The following BBX variants were observed in gnomAD, a reference collection of about 807,000 sequenced individuals.
BBX encodes the protein BBX high mobility group box domain containing, also known as HMG box transcription factor BBX.
BBX carries 30 observed loss-of-function variants against 100.2 expected under a neutral mutation model. That is an observed-to-expected ratio of 0.30 (90% CI 0.22 to 0.41). The LOEUF (loss-of-function observed/expected upper bound fraction) is 0.41, where lower values mean the gene tolerates loss of function less well. Among genes scored for constraint, BBX ranks in the 10% least tolerant of loss-of-function variants. The pLI, the probability that BBX is intolerant of heterozygous loss-of-function variation, is 1.00. For missense variants in BBX, 1,023 were observed against 1,129.8 expected, an observed-to-expected ratio of 0.91 and a Z score of 1.35; for synonymous variants, 376 against 388.1, an observed-to-expected ratio of 0.97 and a Z score of 0.37.
chr3:107,720,788 T>C (rs892815806), intron 5 of BBX, among the ~76,000 whole-genome samples: 2 of 152,110 alleles, frequency 1.3e-5, no homozygotes, highest in East Asian at 3.9e-4. Context: ...TTCTTTCATA[T>C]TTCTTCAAGA....
intron 4 of BBX, among the ~76,000 whole-genome samples, chr3:107,712,522 C>T (rs1340922395): frequency 6.6e-6 from 1 of 152,214 alleles, no homozygotes; most frequent in Non-Finnish European, 1.5e-5. Context: ...TTATTTTGCT[C>T]AAACTTCACA....
At chr3:107,690,883 C>G (rs1184404127) in intron 3 of BBX, among the ~76,000 whole-genome samples, 1 of 74,070 alleles carries the variant, frequency 1.4e-5, no homozygotes, top group East Asian at 4.1e-4. Context: ...CACTTTGATG[C>G]CCCCCCCCCT....
intron 2 of BBX, among the ~76,000 whole-genome samples, chr3:107,529,922 C>T (rs935827862): frequency 2.6e-5 from 4 of 151,262 alleles, no homozygotes; most frequent in African/African-American, 9.7e-5. Context: ...AGAATTTCAT[C>T]TAAAAGTATA....
At chr3:107,765,503 G>C (rs554495526) in intron 10 of BBX, among the ~76,000 whole-genome samples, 1 of 151,958 alleles carries the variant, frequency 6.6e-6, no homozygotes, top group South Asian at 2.1e-4. Context: ...CTTGAGACAG[G>C]GTCTTTCTGT....
chr3:107,671,617 G>A (rs916881471), intron 3 of BBX, among the ~76,000 whole-genome samples: 14 of 152,066 alleles, frequency 9.2e-5, no homozygotes, highest in Admixed American at 7.9e-4. Flanking sequence ...ACATGGACAA[G>A]GCCAGAAACA....
chr3:107,581,019 C>A (rs1424010258), intron 2 of BBX, among the ~76,000 whole-genome samples: 2 of 152,124 alleles, frequency 1.3e-5, no homozygotes, highest in African/African-American at 4.8e-5. Flanking sequence ...ATATGGAAGA[C>A]CTAAAATCTA....
chr3:107,526,782 T>C (rs921005228), intron 2 of BBX: 1 of 154,916 alleles, frequency 6.5e-6, no homozygotes, highest in African/African-American at 2.4e-5. Context: ...GGAAGCATTG[T>C]GCAGAAGTCC....
intron 2 of BBX, among the ~76,000 whole-genome samples, chr3:107,629,340 T>C (rs2056403775): frequency 2.0e-5 from 3 of 152,234 alleles, no homozygotes; most frequent in Non-Finnish European, 4.4e-5. Context: ...TCCCAACTTA[T>C]TTCTACATAG....
At chr3:107,654,881 G>A (rs1183739540) in intron 3 of BBX, among the ~76,000 whole-genome samples, 1 of 152,004 alleles carries the variant, frequency 6.6e-6, no homozygotes, top group Admixed American at 6.6e-5. Flanking sequence ...GGTACTAGAG[G>A]GTATAATGTC....
chr3:107,594,295 T>A (rs1311765250), intron 2 of BBX, among the ~76,000 whole-genome samples: 1 of 152,196 alleles, frequency 6.6e-6, no homozygotes, highest in Non-Finnish European at 1.5e-5. Context: ...CCGCTGCACA[T>A]TATTCTCTTC....
At chr3:107,696,230 C>G (rs952191242) in intron 3 of BBX, among the ~76,000 whole-genome samples, 2 of 151,772 alleles carry the variant, frequency 1.3e-5, no homozygotes, top group African/African-American at 4.9e-5. Context: ...TGAATTTGAT[C>G]CTGTCATTGT....
intron 2 of BBX, among the ~76,000 whole-genome samples, chr3:107,537,288 C>G (rs1160328033): frequency 8.5e-5 from 13 of 152,122 alleles, no homozygotes; most frequent in Non-Finnish European, 1.5e-5. Flanking sequence ...AGCTATGTAA[C>G]ATATCTGAAA....
chr3:107,576,183 T>C (rs2051757648), intron 2 of BBX, among the ~76,000 whole-genome samples: 1 of 152,258 alleles, frequency 6.6e-6, no homozygotes, highest in African/African-American at 2.4e-5. Context: ...GCCATTATTA[T>C]CTTTGCAGAT....
At chr3:107,567,613 A>C (rs1451157884) in intron 2 of BBX, among the ~76,000 whole-genome samples, 1 of 152,082 alleles carries the variant, frequency 6.6e-6, no homozygotes, top group East Asian at 1.9e-4. Context: ...CTGAATTTTA[A>C]ACCTTTACGT....
intron 2 of BBX, among the ~76,000 whole-genome samples, chr3:107,554,356 C>T (rs1374093020): frequency 6.6e-6 from 1 of 152,078 alleles, no homozygotes; most frequent in Non-Finnish European, 1.5e-5. Context: ...TTTTTAGTGA[C>T]CTGGTATCCA....
intron 7 of BBX, among the ~76,000 whole-genome samples, chr3:107,736,022 G>A (rs1169094064): frequency 6.6e-6 from 1 of 151,942 alleles, no homozygotes; most frequent in African/African-American, 2.4e-5. Flanking sequence ...TATACCCAGA[G>A]TACATTGAAA....
intron 3 of BBX, among the ~76,000 whole-genome samples, chr3:107,706,085 T>C (rs1360802619): frequency 6.8e-6 from 1 of 147,598 alleles, no homozygotes; most frequent in Non-Finnish European, 1.5e-5. Flanking sequence ...TGCAGTGGCA[T>C]AATCTCGGCT....
At chr3:107,640,892 C>T (rs1050662288) in intron 2 of BBX, among the ~76,000 whole-genome samples, 1 of 152,062 alleles carries the variant, frequency 6.6e-6, no homozygotes, top group African/African-American at 2.4e-5. Flanking sequence ...GAACTCCTGA[C>T]CTCAGGTGAT....
chr3:107,536,498 A>G (rs2048501668), intron 2 of BBX, among the ~76,000 whole-genome samples: 1 of 152,096 alleles, frequency 6.6e-6, no homozygotes, highest in East Asian at 1.9e-4. Context: ...TTAGCCGAAC[A>G]ATGGTTTTCC....
Sources: allele counts gnomAD v4.1 joint callset (sites outside exome capture counted in the v4.1 genomes callset), GRCh38; gene constraint gnomAD v4.1.1; transcripts MANE v1.5; gene names NCBI Gene and HGNC (gene_info 2026-07-23, HGNC 2026-07-21).